CDCA2: variants seen among roughly 807,000 people sequenced by gnomAD.
CDCA2 encodes the protein cell division cycle associated 2.
A neutral mutation model predicts 67.0 loss-of-function variants in CDCA2; 44 were observed. The observed-to-expected ratio is 0.66, with a 90% CI of 0.52 to 0.84. CDCA2 has a LOEUF of 0.84. Ranked by LOEUF, CDCA2 falls within the 40% of genes least tolerant of loss-of-function variation. The pLI, the probability that CDCA2 is intolerant of heterozygous loss-of-function variation, is 0.00. For missense variants in CDCA2, 1,253 were observed against 1,203.2 expected, an observed-to-expected ratio of 1.04 and a Z score of -0.61; for synonymous variants, 447 against 418.7, an observed-to-expected ratio of 1.07 and a Z score of -0.82.
chr8:25,498,362 C>T (rs1804320170), intron 13 of CDCA2, among the ~76,000 whole-genome samples: 1 of 151,576 alleles, frequency 6.6e-6, no homozygotes, highest in Non-Finnish European at 1.5e-5. Flanking sequence ...TGTGCACCAC[C>T]ATGCTCAGCT....
At chr8:25,469,824 C>A (rs952146588) in intron 6 of CDCA2, 72 bp from the exon 7 acceptor site, 16 of 899,776 alleles carry the variant, frequency 1.8e-5, no homozygotes, top group Non-Finnish European at 2.3e-5. Flanking sequence ...ATAATGTTTA[C>A]TCAAATCTTC....
chr8:25,488,194 A>T (rs1250402935), intron 12 of CDCA2, among the ~76,000 whole-genome samples: 1 of 152,218 alleles, frequency 6.6e-6, no homozygotes, highest in African/African-American at 2.4e-5. Context: ...AACCTAGATA[A>T]TCTAAAAATT....
intron 14 of CDCA2, among the ~76,000 whole-genome samples, chr8:25,504,097 A>G (rs779718994): frequency 6.6e-6 from 1 of 152,182 alleles, no homozygotes. Context: ...GTTAAGGACA[A>G]TGATGTTTTG....
chr8:25,507,653 G>A lies in CDCA2; in HGVS notation c.2987G>A (p.Arg996Gln), dbSNP rs376561663. Residue 996 changes from arginine to glutamine, a missense_variant, in exon 15 of 15, where the codon CGG becomes CAG. Arg to Gln is a conservative substitution (Grantham distance 43). Coordinates refer to ENST00000330560, the MANE Select transcript of CDCA2 (RefSeq NM_152562.4). Reference sequence around the variant, plus strand: ...GCCACTTCCCAGTTCAAAGGCTACCGGAGAAGATCCTCTCTTAATGGGAAG... The same window carrying A: ...GCCACTTCCCAGTTCAAAGGCTACCAGAGAAGATCCTCTCTTAATGGGAAG... ...TKATSQFKGY[R>Q]RRSSLNGKGE... 47 of 1,614,048 alleles carry A rather than the reference G, an allele frequency of 2.9e-5. 2 individuals carry two copies. The South Asian group carries it at 3.3e-4, about 11-fold the overall frequency.
At chr8:25,471,358 T>TTCTTCTTCG (rs1347001014) in intron 7 of CDCA2, among the ~76,000 whole-genome samples, 2 of 908 alleles carry the variant, frequency 2.2e-3, no homozygotes, top group Non-Finnish European at 0.018. Flanking sequence ...AATGTTTTCT[T>TTCTTCTTCG]TCTTCTTCTT....
At position 25,462,243 on chromosome 8, in the gene CDCA2, G is replaced by A. The variant is rs567683908; in HGVS notation, c.387+35G>A. On this transcript the variant is annotated intron_variant, in intron 4 of 14. Transcript: ENST00000330560. ...TCTTCTAAGTTCTGTCGTGAATTCC[G>A]TTAATGAAGCTTTTGTGCTTTCTTT... 5.2e-5 allele frequency: 84 copies of A among 1,603,170 alleles called. No individual in the cohort carries two copies. The South Asian group carries it at 6.7e-4, about 13-fold the overall frequency.
At chr8:25,480,404 A>C (rs1162432395) in intron 8 of CDCA2, among the ~76,000 whole-genome samples, 1 of 152,164 alleles carries the variant, frequency 6.6e-6, no homozygotes, top group Admixed American at 6.5e-5. Flanking sequence ...TTATTGCACT[A>C]ACATAATTAT....
At chr8:25,462,832 G>A (rs1802753028) in intron 4 of CDCA2, among the ~76,000 whole-genome samples, 1 of 152,108 alleles carries the variant, frequency 6.6e-6, no homozygotes, top group Non-Finnish European at 1.5e-5. Context: ...ATGTGCCACA[G>A]CAATGGGCTA....
chr8:25,507,060 T>C lies in CDCA2; in HGVS notation c.2394T>C (p.Ile798=), dbSNP rs1410865940. 1.2e-6 allele frequency: 2 copies of C among 1,613,918 alleles called. No individual in the cohort carries two copies. Among genetic ancestry groups the C allele is most frequent in the South Asian group, 2.2e-5 (2 of 91,044 alleles). The part of the protein sequence containing the change: ...KDCHCLGDVL[I]ENTKESKSQS... ...GTCATTGTTTAGGAGATGTCTTAAT[T>C]GAAAATACGAAAGAATCTAAAAGCC... Residue 798 remains isoleucine, a synonymous_variant, in exon 15 of 15, where the codon ATT becomes ATC. Transcript: ENST00000330560.
chr8:25,505,374 T>C (rs1431199485), intron 14 of CDCA2, among the ~76,000 whole-genome samples: 1 of 152,150 alleles, frequency 6.6e-6, no homozygotes, highest in Admixed American at 6.5e-5. Context: ...GCTAATTTTG[T>C]ATTTTTAGTA....
In CDCA2 at chr8:25,468,432, G is replaced by C. The variant is rs370502825; in HGVS notation, c.735+19G>C. 6.3e-7 allele frequency: 1 copy of C among 1,595,458 alleles called. No homozygotes were observed. Among genetic ancestry groups the C allele is most frequent in the Non-Finnish European group, 8.6e-7 (1 of 1,168,146 alleles). Reference sequence around the variant, plus strand: ...TTCTGAGGTAATTCACTTACTTTACGCATAGGAAAATGAAGTTGTTGGTTT... The same window carrying C: ...TTCTGAGGTAATTCACTTACTTTACCCATAGGAAAATGAAGTTGTTGGTTT... On this transcript the variant is annotated intron_variant, in intron 6 of 14. Coordinates refer to ENST00000330560, the MANE Select transcript of CDCA2 (RefSeq NM_152562.4).
Position 25,463,553 on chromosome 8 carries a change from A to G in CDCA2, c.387+1345A>G, listed in dbSNP as rs572617872. On this transcript the variant is annotated intron_variant, in intron 4 of 14. Coordinates refer to ENST00000330560, the MANE Select transcript of CDCA2 (RefSeq NM_152562.4). ...ATGAATGACTGTTCCTGGTTTATAC[A>G]TTTACTATAGACTTTGTATCATGAA... 2.1e-4 allele frequency among the ~76,000 whole-genome samples: 32 copies of G among 152,106 alleles called. No individual in the cohort carries two copies. In the South Asian group the frequency reaches 6.6e-3, roughly 32 times the overall value.
intron 11 of CDCA2, among the ~76,000 whole-genome samples, chr8:25,486,232 T>C (rs1330477494): frequency 6.6e-6 from 1 of 152,232 alleles, no homozygotes; most frequent in Non-Finnish European, 1.5e-5. Context: ...GCACATGTGC[T>C]TTCCAAGGTC....
chr8:25,503,415 A>T lies in CDCA2; in HGVS notation c.1714A>T (p.Ser572Cys). 1.2e-6 allele frequency: 2 copies of T among 1,614,106 alleles called. No individual in the cohort carries two copies. Among genetic ancestry groups the T allele is most frequent in the Non-Finnish European group, 1.7e-6 (2 of 1,179,932 alleles). The change falls in exon 14 of 15, where the codon AGT becomes TGT. Residue 572 changes from serine to cysteine, a missense_variant. Transcript: ENST00000330560. ...CRKKKGKGKK[S>C]VQKSLYGERD... ...AAAGAAGAAAGGAAAGGGAAAGAAAAGTGTTCAGAAATCTTTATATGGGGA... is the reference window on the plus strand; with the variant it reads ...AAAGAAGAAAGGAAAGGGAAAGAAATGTGTTCAGAAATCTTTATATGGGGA...
At chr8:25,491,949 C>T (rs915100169) in intron 13 of CDCA2, among the ~76,000 whole-genome samples, 1 of 152,200 alleles carries the variant, frequency 6.6e-6, no homozygotes, top group African/African-American at 2.4e-5. Context: ...AGGAACGCAC[C>T]ACCATGCTCG....
chr8:25,482,865 C>G (rs185151150), intron 8 of CDCA2, among the ~76,000 whole-genome samples: 134 of 152,188 alleles, frequency 8.8e-4, no homozygotes, highest in Non-Finnish European at 1.5e-3. Context: ...CAGACCTTGT[C>G]TCAAAAATAA....
At chr8:25,482,453 G>A (rs1803608568) in intron 8 of CDCA2, among the ~76,000 whole-genome samples, 1 of 152,032 alleles carries the variant, frequency 6.6e-6, no homozygotes, top group East Asian at 1.9e-4. Context: ...TGCATCCATG[G>A]ATTGAACCAA....
intron 4 of CDCA2, among the ~76,000 whole-genome samples, chr8:25,463,840 C>T (rs1399708152): frequency 6.6e-6 from 1 of 152,222 alleles, no homozygotes; most frequent in Non-Finnish European, 1.5e-5. Flanking sequence ...CTCCCCATCT[C>T]CTTCCACTCA....
intron 1 of CDCA2, among the ~76,000 whole-genome samples, chr8:25,460,039 T>C (rs180837403): frequency 6.6e-6 from 1 of 152,324 alleles, no homozygotes; most frequent in Admixed American, 6.5e-5. Context: ...ATTGCATGCC[T>C]GTATCAAAAT....
Sources: allele counts gnomAD v4.1 joint callset (sites outside exome capture counted in the v4.1 genomes callset), GRCh38; gene constraint gnomAD v4.1.1; transcripts MANE v1.5; gene names NCBI Gene and HGNC (gene_info 2026-07-23, HGNC 2026-07-21).